MAGI2: variants seen among roughly 807,000 people sequenced by gnomAD.
MAGI2 encodes membrane-associated guanylate kinase, WW and PDZ domain-containing protein 2.
MAGI2 carries 35 observed loss-of-function variants against 133.3 expected under a neutral mutation model. The observed-to-expected ratio is 0.26, with a 90% CI of 0.20 to 0.35. The LOEUF (loss-of-function observed/expected upper bound fraction) is 0.35. Among genes scored for constraint, MAGI2 ranks in the 10% least tolerant of loss-of-function variants. The probability of loss-of-function intolerance (pLI) is 1.00; values close to 1 mark genes in which losing one functional copy is unlikely to be tolerated. For synonymous variants in MAGI2, 729 were observed against 710.6 expected (o/e 1.03, Z -0.41); for missense variants, 1,636 against 1,863.4 (o/e 0.88, Z 2.25).
At chr7:79,096,772 A>G (rs2129542905) in intron 1 of MAGI2, among the ~76,000 whole-genome samples, 1 of 152,278 alleles carries the variant, frequency 6.6e-6, no homozygotes, top group Non-Finnish European at 1.5e-5. Flanking sequence ...TCTATGCATC[A>G]CTTCTGCTAC....
rs1191462644 is a variant in MAGI2 at position 78,501,665 on chromosome 7, T to C, written c.877A>G (p.Thr293Ala). 4 of 1,614,054 alleles carry C rather than the reference T, an allele frequency of 2.5e-6. No homozygotes were observed. Among genetic ancestry groups the C allele is most frequent in the Non-Finnish European group, 3.4e-6 (4 of 1,180,032 alleles). Residue 293 changes from threonine (T) to alanine (A), a missense_variant, in exon 5 of 22, where the codon ACT becomes GCT. Transcript: ENST00000354212. ...LKEQMDDTKP[T>A]KPEDNEEPDP... ...GGTTCCTCATTGTCTTCAGGTTTAG[T>C]TGGCTTTGTGTCATCCATCTGCTCC...
intron 3 of MAGI2, among the ~76,000 whole-genome samples, chr7:78,545,404 G>A (rs887979403): frequency 6.6e-6 from 1 of 151,666 alleles, no homozygotes; most frequent in Non-Finnish European, 1.5e-5. Context: ...GCAGAGAAGG[G>A]GATTCGCCAT....
chr7:79,214,937 A>G (rs546972239), intron 1 of MAGI2, among the ~76,000 whole-genome samples: 1 of 148,140 alleles, frequency 6.8e-6, no homozygotes, highest in Admixed American at 6.8e-5. Flanking sequence ...GATATATAAC[A>G]TATAAACATA....
intron 21 of MAGI2, among the ~76,000 whole-genome samples, chr7:78,070,769 AG>A (rs2151164648): frequency 6.6e-6 from 1 of 151,842 alleles, no homozygotes; most frequent in South Asian, 2.1e-4. Context: ...CAGCCTCCCG[AG>A]TAGCTAGGAT....
At chr7:78,781,736 T>C (rs1462821154) in intron 2 of MAGI2, among the ~76,000 whole-genome samples, 2 of 152,146 alleles carry the variant, frequency 1.3e-5, no homozygotes, top group Non-Finnish European at 1.5e-5. Context: ...AATGCTTTTA[T>C]AATAGAAGAA....
At chr7:79,166,663 A>G (rs2129548171) in intron 1 of MAGI2, among the ~76,000 whole-genome samples, 1 of 152,268 alleles carries the variant, frequency 6.6e-6, no homozygotes, top group South Asian at 2.1e-4. Context: ...TAAATACAAA[A>G]CAAACAAGGT....
At chr7:79,446,483 A>T (rs1159717653) in intron 1 of MAGI2, among the ~76,000 whole-genome samples, 1 of 151,992 alleles carries the variant, frequency 6.6e-6, no homozygotes, top group African/African-American at 2.4e-5. Context: ...TTTTTTTTTT[A>T]AAGTAAGCCA....
At chr7:79,326,673 T>C (rs77942349) in intron 1 of MAGI2, among the ~76,000 whole-genome samples, 4 of 144,582 alleles carry the variant, frequency 2.8e-5, no homozygotes, top group Non-Finnish European at 6.1e-5. Context: ...TTTTTTTTTT[T>C]CAGATACTAT....
intron 20 of MAGI2, among the ~76,000 whole-genome samples, chr7:78,084,067 A>C (rs1201442972): frequency 1.3e-5 from 2 of 152,210 alleles, no homozygotes; most frequent in Non-Finnish European, 2.9e-5. Flanking sequence ...ACCTGGTTGT[A>C]ATCAGTTAAT....
chr7:78,083,191 CAACT>C (rs906618409), intron 20 of MAGI2, among the ~76,000 whole-genome samples: 3 of 151,760 alleles, frequency 2.0e-5, no homozygotes, highest in African/African-American at 7.3e-5. Flanking sequence ...AGAAAAAGAC[CAACT>C]GTGACTCTGA....
chr7:78,079,023 T>C lies in MAGI2; in HGVS notation c.3630A>G (p.Ala1210=). The C allele has an allele frequency of 6.2e-7, 1 of 1,614,060 alleles. No homozygotes were observed. Among genetic ancestry groups the C allele is most frequent in the Non-Finnish European group, 8.5e-7 (1 of 1,179,978 alleles). The change falls in exon 21 of 22, where the codon GCA becomes GCG. Residue 1210 remains alanine, a synonymous_variant. Transcript: ENST00000354212. The part of the protein sequence containing the change: ...ESTRDMTHAR[A]IELIKSGGRR... ...TTCCTCCAGATTTGATGAGTTCTAT[T>C]GCTCTGGCATGTGTCATGTCCCTTG...
intron 2 of MAGI2, among the ~76,000 whole-genome samples, chr7:78,684,724 G>T (rs1256330220): frequency 6.7e-6 from 1 of 148,370 alleles, no homozygotes; most frequent in Non-Finnish European, 1.5e-5. Context: ...GTGCTTCCAG[G>T]AAAAAAGAAA....
chr7:78,377,335 G>A (rs1794533541), intron 6 of MAGI2, among the ~76,000 whole-genome samples: 1 of 152,054 alleles, frequency 6.6e-6, no homozygotes, highest in East Asian at 1.9e-4. Flanking sequence ...GTAGGGTGTA[G>A]CAGGTGTGAG....
intron 2 of MAGI2, among the ~76,000 whole-genome samples, chr7:78,994,195 T>A (rs1222298703): frequency 2.6e-5 from 4 of 152,146 alleles, no homozygotes; most frequent in Non-Finnish European, 2.9e-5. Flanking sequence ...CAGAGCCAGC[T>A]ATGCTGAGAT....
At chr7:78,623,100 G>A (rs903072676) in intron 3 of MAGI2, among the ~76,000 whole-genome samples, 1 of 152,006 alleles carries the variant, frequency 6.6e-6, no homozygotes, top group Non-Finnish European at 1.5e-5. Flanking sequence ...TTAAAATACT[G>A]ATATTAAATG....
chr7:78,145,349 A>G (rs1413268178), intron 16 of MAGI2, among the ~76,000 whole-genome samples: 2 of 151,776 alleles, frequency 1.3e-5, no homozygotes, highest in Admixed American at 6.6e-5. Flanking sequence ...TTTGTTTTGA[A>G]TTATTGCAAT....
intron 1 of MAGI2, among the ~76,000 whole-genome samples, chr7:79,091,299 T>A (rs1817027157): frequency 6.6e-6 from 1 of 152,124 alleles, no homozygotes; most frequent in African/African-American, 2.4e-5. Context: ...AAATCTCACA[T>A]TTCAATAGTC....
intron 1 of MAGI2, among the ~76,000 whole-genome samples, chr7:79,282,550 T>A (rs1338227808): frequency 6.6e-6 from 1 of 152,126 alleles, no homozygotes; most frequent in African/African-American, 2.4e-5. Flanking sequence ...AATTAATGTA[T>A]CTACTACATC....
intron 10 of MAGI2, among the ~76,000 whole-genome samples, chr7:78,244,350 G>C: frequency 6.6e-6 from 1 of 151,762 alleles, no homozygotes; most frequent in Non-Finnish European, 1.5e-5. Flanking sequence ...CTGAGCCCTG[G>C]CAAGACAGAA....
Sources: allele counts gnomAD v4.1 joint callset (sites outside exome capture counted in the v4.1 genomes callset), GRCh38; gene constraint gnomAD v4.1.1; transcripts MANE v1.5; gene names NCBI Gene and HGNC (gene_info 2026-07-23, HGNC 2026-07-21).